The following HNRNPUL1 variants were observed in gnomAD, a reference collection of about 807,000 sequenced individuals.
The protein encoded by HNRNPUL1 is heterogeneous nuclear ribonucleoprotein U like 1, also known as heterogeneous nuclear ribonucleoprotein U-like protein 1.
In HNRNPUL1, 14 loss-of-function variants were observed where a neutral mutation model predicts 108.5. The ratio of observed to expected loss-of-function variants is 0.13; its 90% CI spans 0.09 to 0.20. The LOEUF (loss-of-function observed/expected upper bound fraction) is 0.20, where lower values mean the gene tolerates loss of function less well. Ranked by LOEUF, HNRNPUL1 falls within the 10% of genes least tolerant of loss-of-function variation. The probability of loss-of-function intolerance (pLI) is 1.00; values close to 1 mark genes in which losing one functional copy is unlikely to be tolerated. For missense variants in HNRNPUL1, 804 were observed against 1,168.3 expected (o/e 0.69, Z 4.55); for synonymous variants, 422 against 445.2 (o/e 0.95, Z 0.66).
intron 6 of HNRNPUL1, among the ~76,000 whole-genome samples, chr19:41,279,476 C>T (rs551086490): frequency 6.6e-6 from 1 of 152,292 alleles, no homozygotes; most frequent in Non-Finnish European, 1.5e-5. Flanking sequence ...TCAGTGTCTC[C>T]TGCCCTTAAA....
At chr19:41,270,138 A>T (rs2035131647) in intron 2 of HNRNPUL1, among the ~76,000 whole-genome samples, 1 of 152,114 alleles carries the variant, frequency 6.6e-6, no homozygotes, top group Non-Finnish European at 1.5e-5. Flanking sequence ...GCCTGCCACC[A>T]CACCTGGCTA....
chr19:41,299,997 A>G (rs1477073783), intron 10 of HNRNPUL1, among the ~76,000 whole-genome samples: 2 of 152,100 alleles, frequency 1.3e-5, no homozygotes, highest in Non-Finnish European at 2.9e-5. Flanking sequence ...ACCCTAAGAC[A>G]TCCATGCCGT....
chr19:41,302,098 AC>A (rs1470164158), intron 11 of HNRNPUL1, among the ~76,000 whole-genome samples: 1 of 151,150 alleles, frequency 6.6e-6, no homozygotes, highest in African/African-American at 2.4e-5. Context: ...GGAGCTGTGC[AC>A]TGTGTCTAGG....
chr19:41,264,029 G>A (rs982233449), upstream of HNRNPUL1, among the ~76,000 whole-genome samples: 1 of 152,210 alleles, frequency 6.6e-6, no homozygotes, highest in East Asian at 1.9e-4. Flanking sequence ...GACTGCGCAG[G>A]AAAGGCCGTG....
At chr19:41,268,806 C>T (rs770518168) in intron 2 of HNRNPUL1, among the ~76,000 whole-genome samples, 8 of 151,728 alleles carry the variant, frequency 5.3e-5, no homozygotes, top group Non-Finnish European at 8.8e-5. Context: ...TGCAGTGAGC[C>T]GAGATCGCGT....
chr19:41,278,318 C>T (rs1468852933), intron 5 of HNRNPUL1: 3 of 152,024 alleles, frequency 2.0e-5, no homozygotes, highest in Non-Finnish European at 4.4e-5. Flanking sequence ...ACCTTGGCCT[C>T]CCAAAGTGCT....
rs1325716660 is a variant in HNRNPUL1 at position 41,291,989 on chromosome 19, A to AC, written c.1000-256_1000-255insC. ...GGTGAGACCCTGTCTCAAAAAAAAA[A>AC]AAAACAAAAAAAAAAAACTCTTGCT... On this transcript the variant is annotated intron_variant, in intron 7 of 14. Coordinates refer to ENST00000392006, the MANE Select transcript of HNRNPUL1 (RefSeq NM_007040.6). 1,066 of 456,186 alleles carry AC rather than the reference A, an allele frequency of 2.3e-3. 11 individuals carry two copies. Among genetic ancestry groups the AC allele is most frequent in the African/African-American group, 0.021 (998 of 47,556 alleles). The allele number at this position is 456,186 out of a possible 1,614,324, so 28.3% of individuals were successfully genotyped here.
chr19:41,276,043 C>T (rs914269655), intron 4 of HNRNPUL1, 116 bp from the exon 5 acceptor site: 14 of 1,324,906 alleles, frequency 1.1e-5, no homozygotes, highest in Admixed American at 3.4e-5. Context: ...GCGGAGGTTG[C>T]GGTGAGCCAA....
chr19:41,287,855 C>T (rs1242974302), intron 7 of HNRNPUL1, among the ~76,000 whole-genome samples: 5 of 152,218 alleles, frequency 3.3e-5, no homozygotes, highest in Non-Finnish European at 7.4e-5. Flanking sequence ...CCACTGCGCC[C>T]GGCCCTCAAT....
At position 41,294,697 on chromosome 19, in the gene HNRNPUL1, A is replaced by G; in HGVS notation, c.1518+11A>G. 6.2e-7 allele frequency: 1 copy of G among 1,614,046 alleles called. No homozygotes were observed. The highest frequency in any genetic ancestry group is 2.2e-5 in the East Asian group (1 of 44,886). On this transcript the variant is annotated intron_variant, in intron 10 of 14. Transcript: ENST00000392006. The surrounding 1 kb of genome is among the most constrained non-coding windows in gnomAD (Gnocchi z 4.3). Reference sequence around the variant, plus strand: ...TATATCCTAGATCAGGTACTTAATGATGACCATTGTGTCCTCAGGAGAAGG... The same window carrying G: ...TATATCCTAGATCAGGTACTTAATGGTGACCATTGTGTCCTCAGGAGAAGG...
At chr19:41,277,516 T>C (rs530224467) in intron 5 of HNRNPUL1, among the ~76,000 whole-genome samples, 1 of 152,342 alleles carries the variant, frequency 6.6e-6, no homozygotes, top group Non-Finnish European at 1.5e-5. Context: ...GTTTGTTTTT[T>C]TGTTTTTGAG....
At position 41,302,816 on chromosome 19, in the gene HNRNPUL1, T is replaced by C; in HGVS notation, c.1839T>C (p.Gly613=). The change falls in exon 12 of 15, where the codon GGT becomes GGC. Residue 613 remains glycine (G), a synonymous_variant. Transcript: ENST00000392006. The stretch of plus-strand genomic sequence containing the variant: ...CTGAAAAGCGCTTTGACAACCGAGG[T>C]GGTGGTGGCTTCCGGGGCCGCGGGG... ...PPPEKRFDNR[G]GGGFRGRGGG... is the part of the protein sequence containing the mutation. The C allele has an allele frequency of 6.2e-7, 1 of 1,604,468 alleles. No homozygotes were observed. Among genetic ancestry groups the C allele is most frequent in the African/African-American group, 1.3e-5 (1 of 74,632 alleles).
Position 41,264,402 on chromosome 19 carries a change from C to A in HNRNPUL1, c.-102C>A. ...GAGCCGCTGCCGCCATTGGAGTGGG[C>A]CCCCCCCCTTTCCCCCTTCGCCTCC... On this transcript the variant is annotated 5_prime_UTR_variant, in exon 1 of 15. Transcript: ENST00000392006. 1.1e-6 allele frequency: 1 copy of A among 870,556 alleles called. No individual in the cohort carries two copies. The highest frequency in any genetic ancestry group is 1.5e-6 in the Non-Finnish European group (1 of 653,126). The allele number at this position is 870,556 out of a possible 1,614,324, so 53.9% of individuals were successfully genotyped here. A position where few individuals can be genotyped will look rare whatever the true frequency, so the allele number is the denominator to read the frequency against.
chr19:41,304,738 C>T (rs1415835659), intron 13 of HNRNPUL1, among the ~76,000 whole-genome samples: 2 of 152,170 alleles, frequency 1.3e-5, no homozygotes, highest in Non-Finnish European at 2.9e-5. Flanking sequence ...GCTCAGTTCC[C>T]ATTCTTGGAA....
chr19:41,302,115 C>T (rs145590050), intron 11 of HNRNPUL1, among the ~76,000 whole-genome samples: 1 of 151,468 alleles, frequency 6.6e-6, no homozygotes, highest in African/African-American at 2.4e-5. Context: ...CTAGGTGGGT[C>T]TTAGCCACCT....
rs117710350 is a variant in HNRNPUL1 at position 41,265,151 on chromosome 19, A to G, written c.295+353A>G. ...TCCGTTTGGGTTGGGGAGGGTCTCG[A>G]AAATGGGGATCCTAGGGTACGGAGC... On this transcript the variant is annotated intron_variant, in intron 1 of 14. Coordinates refer to ENST00000392006, the MANE Select transcript of HNRNPUL1 (RefSeq NM_007040.6). 6.7e-4 allele frequency: 948 copies of G among 1,422,192 alleles called. 20 individuals are homozygous for G. The East Asian group carries it at 0.026, about 38-fold the overall frequency. 88.1% of individuals were successfully genotyped at this position (1,422,192 alleles called of 1,614,324 possible).
intron 7 of HNRNPUL1, among the ~76,000 whole-genome samples, chr19:41,285,876 A>T (rs1343250473): frequency 1.3e-5 from 2 of 152,112 alleles, no homozygotes; most frequent in Admixed American, 1.3e-4. Context: ...ACTCCCAAAA[A>T]CTTAACTACT....
At chr19:41,266,026 C>T (rs914016605) in intron 1 of HNRNPUL1, among the ~76,000 whole-genome samples, 3 of 152,056 alleles carry the variant, frequency 2.0e-5, no homozygotes, top group Non-Finnish European at 4.4e-5. Context: ...GGGAGCAGCA[C>T]GGAACTCTTC....
intron 1 of HNRNPUL1, chr19:41,265,024 G>T: frequency 7.2e-7 from 1 of 1,393,206 alleles, no homozygotes; most frequent in Non-Finnish European, 9.3e-7. Context: ...TCTGGGTTTC[G>T]GAGGTGAGGG....
Sources: gnomAD v4.1 joint callset for allele counts (sites outside exome capture counted in the v4.1 genomes callset) on GRCh38, gnomAD v4.1.1 for gene constraint, Gnocchi (gnomAD v3.1) non-coding constraint, MANE v1.5 for transcripts, NCBI Gene and HGNC (gene_info 2026-07-23, HGNC 2026-07-21) for gene names.